The following PRRG1 variants were observed in gnomAD, a reference collection of about 807,000 sequenced individuals.
PRRG1 encodes the protein transmembrane gamma-carboxyglutamic acid protein 1.
PRRG1 carries 5 observed loss-of-function variants against 11.8 expected under a neutral mutation model. That is an observed-to-expected ratio of 0.42 (90% CI 0.22 to 0.89). PRRG1 has a LOEUF of 0.89. PRRG1 is among the 40% of genes least tolerant of loss of function. PRRG1 has a pLI of 0.28. For missense variants in PRRG1, 155 were observed against 166.1 expected (o/e 0.93, Z 0.37); for synonymous variants, 66 against 60.4 (o/e 1.09, Z -0.43).
At position 37,405,410 on chromosome X, in the gene PRRG1, T is replaced by C. The variant is rs782761110; in HGVS notation, c.-41-799T>C. Among the ~76,000 whole-genome samples, 7 of 112,032 alleles carry C rather than the reference T, an allele frequency of 6.2e-5. No individual in the cohort carries two copies. The South Asian group carries it at 1.5e-3, about 24-fold the overall frequency. ...TAATGGACTGATAGTTTATGTCTTA[T>C]AGCTTTACCTTTCAGGCGCTTAGTT... On this transcript the variant is annotated intron_variant, in intron 1 of 3. Coordinates refer to ENST00000378628, the MANE Select transcript of PRRG1 (RefSeq NM_001142395.2).
intron 3 of PRRG1, 51 bp from the exon 4 acceptor site, chrX:37,453,085 T>A: frequency 9.1e-6 from 10 of 1,101,099 alleles, no homozygotes; most frequent in Non-Finnish European, 1.1e-5. Flanking sequence ...TCTGGTATTT[T>A]CCATCTTTTA....
intron 1 of PRRG1, among the ~76,000 whole-genome samples, chrX:37,395,889 A>C (rs1488169014): frequency 2.7e-5 from 3 of 111,876 alleles, no homozygotes; most frequent in African/African-American, 9.7e-5. Context: ...GTAATTATTC[A>C]ATCAACATTC....
intron 2 of PRRG1, among the ~76,000 whole-genome samples, chrX:37,420,788 G>C (rs2146600858): frequency 9.0e-6 from 1 of 110,900 alleles, no homozygotes; most frequent in African/African-American, 3.3e-5. Context: ...CTTTAGCCCA[G>C]GAGGCAGAGG....
At chrX:37,382,789 G>T (rs1262509668) in intron 1 of PRRG1, among the ~76,000 whole-genome samples, 1 of 111,287 alleles carries the variant, frequency 9.0e-6, no homozygotes, top group Non-Finnish European at 1.9e-5. Context: ...AGATACACAT[G>T]ATTTCTGAAA....
chrX:37,444,809 C>G, intron 3 of PRRG1, among the ~76,000 whole-genome samples: 1 of 111,686 alleles, frequency 9.0e-6, no homozygotes, highest in East Asian at 2.8e-4. Flanking sequence ...TTTGCTGTCC[C>G]ACACACAGGC....
chrX:37,430,668 T>G (rs1275193622), intron 3 of PRRG1, among the ~76,000 whole-genome samples: 1 of 111,725 alleles, frequency 9.0e-6, no homozygotes, highest in Non-Finnish European at 1.9e-5. Flanking sequence ...CACAAAAAAT[T>G]GCAAAGATAA....
At chrX:37,438,519 C>T (rs1932920835) in intron 3 of PRRG1, among the ~76,000 whole-genome samples, 2 of 105,109 alleles carry the variant, frequency 1.9e-5, no homozygotes, top group East Asian at 3.0e-4. Flanking sequence ...TCACTGCAAC[C>T]TCTGCCTCCC....
chrX:37,366,325 C>A (rs1930569417), intron 1 of PRRG1, among the ~76,000 whole-genome samples: 1 of 112,128 alleles, frequency 8.9e-6, no homozygotes, highest in African/African-American at 3.2e-5. Flanking sequence ...CACCCATTTT[C>A]TAGTTTCAGT....
At chrX:37,425,757 A>G (rs1932764177) in intron 2 of PRRG1, 83 bp from the exon 3 acceptor site, 11 of 879,929 alleles carry the variant, frequency 1.3e-5, no homozygotes, top group Non-Finnish European at 1.1e-5. Flanking sequence ...GATGTTGGCT[A>G]TGTTTTCTAA....
intron 1 of PRRG1, among the ~76,000 whole-genome samples, chrX:37,402,979 A>G (rs1279378934): frequency 4.5e-5 from 5 of 111,230 alleles, no homozygotes; most frequent in Non-Finnish European, 9.4e-5. Context: ...GTCAGGAAAC[A>G]ACGGGTGCTG....
chrX:37,440,443 T>A (rs1363344387), intron 3 of PRRG1, among the ~76,000 whole-genome samples: 7 of 111,994 alleles, frequency 6.3e-5, no homozygotes, highest in Admixed American at 5.7e-4. Context: ...AATTTTGAAC[T>A]TTTTTGGTTT....
At chrX:37,447,039 A>AT (rs1321288733) in intron 3 of PRRG1, among the ~76,000 whole-genome samples, 3 of 110,012 alleles carry the variant, frequency 2.7e-5, no homozygotes, top group Non-Finnish European at 3.8e-5. Context: ...CATGAGTTTT[A>AT]TTTTTTTTTC....
intron 1 of PRRG1, among the ~76,000 whole-genome samples, chrX:37,388,690 G>A (rs1047436527): frequency 2.7e-5 from 3 of 113,110 alleles, no homozygotes; most frequent in African/African-American, 9.6e-5. Context: ...AGGCCTCCAG[G>A]CCTGTGATAG....
chrX:37,450,508 G>A (rs1449496874), intron 3 of PRRG1, among the ~76,000 whole-genome samples: 1 of 111,958 alleles, frequency 8.9e-6, no homozygotes, highest in Non-Finnish European at 1.9e-5. Context: ...TTCCCAGAAT[G>A]CCAAAAAACA....
At chrX:37,404,145 CAAAA>C (rs1216457309) in intron 1 of PRRG1, among the ~76,000 whole-genome samples, 3 of 111,542 alleles carry the variant, frequency 2.7e-5, no homozygotes, top group African/African-American at 9.8e-5. Flanking sequence ...AAAGAATAAA[CAAAA>C]AATAAAATAT....
chrX:37,394,326 G>A lies in PRRG1; in HGVS notation c.-41-11883G>A, dbSNP rs187603792. Among the ~76,000 whole-genome samples, 701 of 111,990 alleles carry A rather than the reference G, an allele frequency of 6.3e-3. 2 individuals carry two copies. The highest frequency in any genetic ancestry group is 0.037 in the Middle Eastern group (8 of 218). On this transcript the variant is annotated intron_variant, in intron 1 of 3. Coordinates refer to ENST00000378628, the MANE Select transcript of PRRG1 (RefSeq NM_001142395.2). ...GAGTTGTGACTTTAAGAGACACCAC[G>A]AGGAGGGAATGAACTCCAGGGAGCG...
At chrX:37,360,072 T>C (rs954385071) in intron 1 of PRRG1, among the ~76,000 whole-genome samples, 1 of 111,973 alleles carries the variant, frequency 8.9e-6, no homozygotes, top group Non-Finnish European at 1.9e-5. Flanking sequence ...GTTTATTGAA[T>C]TCATTGATCT....
At chrX:37,349,700 G>A (rs1444090414) in intron 1 of PRRG1, among the ~76,000 whole-genome samples, 1 of 111,451 alleles carries the variant, frequency 9.0e-6, no homozygotes, top group African/African-American at 3.3e-5. Context: ...CAACGGTGCT[G>A]GAGGGTGTCC....
intron 1 of PRRG1, among the ~76,000 whole-genome samples, chrX:37,373,696 G>A (rs1464880781): frequency 3.6e-5 from 4 of 111,486 alleles, no homozygotes; most frequent in African/African-American, 9.8e-5. Context: ...CAGTTTTTTG[G>A]TTGAGTCCTT....
Sources: gnomAD v4.1 joint callset for allele counts (sites outside exome capture counted in the v4.1 genomes callset) on GRCh38, gnomAD v4.1.1 for gene constraint, MANE v1.5 for transcripts, NCBI Gene and HGNC (gene_info 2026-07-23, HGNC 2026-07-21) for gene names.